Variants in METTL15 observed in about 807,000 individuals in gnomAD.
The protein encoded by METTL15 is 12S rRNA N(4)-cytidine methyltransferase METTL15.
Under a neutral mutation model 38.3 loss-of-function variants are expected in METTL15, and 34 were observed. That is an observed-to-expected ratio of 0.89 (90% CI 0.68 to 1.18). The LOEUF is 1.18. METTL15 is among the 50% of genes most tolerant of loss of function. METTL15 has a pLI of 0.00. For missense variants in METTL15, 438 were observed against 498.4 expected (o/e 0.88, Z 1.15); for synonymous variants, 162 against 170.9 (o/e 0.95, Z 0.41).
At chr11:28,522,969 G>A (rs774584186) in intron 6 of METTL15, among the ~76,000 whole-genome samples, 4 of 152,120 alleles carry the variant, frequency 2.6e-5, no homozygotes, top group South Asian at 2.1e-4. Context: ...AGAACTTTGC[G>A]AGGTTCAGAA....
intron 3 of METTL15, among the ~76,000 whole-genome samples, chr11:28,207,341 G>A (rs1852393555): frequency 6.6e-6 from 1 of 152,024 alleles, no homozygotes; most frequent in Admixed American, 6.6e-5. Context: ...TTTGTCAAAG[G>A]CCTTTTCTGC....
At chr11:28,222,680 C>T (rs554506560) in intron 4 of METTL15, among the ~76,000 whole-genome samples, 12 of 152,234 alleles carry the variant, frequency 7.9e-5, no homozygotes, top group East Asian at 1.9e-4. Flanking sequence ...TGTTCCTATT[C>T]GGCCATCTTG....
intron 3 of METTL15, among the ~76,000 whole-genome samples, chr11:28,128,274 T>C (rs1306660040): frequency 1.3e-5 from 2 of 152,128 alleles, no homozygotes; most frequent in African/African-American, 4.8e-5. Flanking sequence ...CAGTATAATC[T>C]CTAGATTAAT....
intron 6 of METTL15, among the ~76,000 whole-genome samples, chr11:28,466,837 A>G (rs531088700): frequency 6.6e-6 from 1 of 152,304 alleles, no homozygotes; most frequent in South Asian, 2.1e-4. Flanking sequence ...CATGGTTTGT[A>G]TACTGACAAA....
chr11:28,192,019 T>G (rs1315214077), intron 3 of METTL15, among the ~76,000 whole-genome samples: 2 of 151,786 alleles, frequency 1.3e-5, no homozygotes, highest in Non-Finnish European at 3.0e-5. Context: ...CCAGATAATC[T>G]CAAGTTATTT....
intron 6 of METTL15, among the ~76,000 whole-genome samples, chr11:28,458,189 C>G (rs1015491691): frequency 6.6e-6 from 1 of 152,140 alleles, no homozygotes; most frequent in Non-Finnish European, 1.5e-5. Context: ...GTAACTGTTA[C>G]ATTTTTATGG....
At chr11:28,171,083 T>A (rs1247349208) in intron 3 of METTL15, among the ~76,000 whole-genome samples, 1 of 152,220 alleles carries the variant, frequency 6.6e-6, no homozygotes, top group Non-Finnish European at 1.5e-5. Flanking sequence ...ACTATTAGGT[T>A]TCCACTTATG....
intron 3 of METTL15, among the ~76,000 whole-genome samples, chr11:28,141,145 G>A (rs935893059): frequency 2.6e-5 from 4 of 152,120 alleles, no homozygotes; most frequent in African/African-American, 9.7e-5. Context: ...GGAGGCTAGG[G>A]TTTTTAGCGG....
chr11:28,462,795 T>A (rs1263691189), intron 6 of METTL15, among the ~76,000 whole-genome samples: 2 of 152,046 alleles, frequency 1.3e-5, no homozygotes, highest in Non-Finnish European at 2.9e-5. Flanking sequence ...GGTTCCCAAA[T>A]CAAACTTGGT....
chr11:28,176,219 C>G (rs1352903665), intron 3 of METTL15, among the ~76,000 whole-genome samples: 1 of 151,988 alleles, frequency 6.6e-6, no homozygotes, highest in African/African-American at 2.4e-5. Context: ...AAAATTTCTC[C>G]TGTAATCCTG....
chr11:28,161,222 A>G (rs188450037), intron 3 of METTL15, among the ~76,000 whole-genome samples: 62 of 149,366 alleles, frequency 4.2e-4, no homozygotes, highest in South Asian at 8.4e-4. Flanking sequence ...TCCCAGGTTC[A>G]GGTGATTCTC....
intron 6 of METTL15, chr11:28,517,329 T>G (rs966743383): frequency 6.6e-6 from 1 of 152,038 alleles, no homozygotes; most frequent in Non-Finnish European, 1.5e-5. Flanking sequence ...GGTTTTTTAA[T>G]TTATTTATTT....
At chr11:28,249,763 A>G (rs1401329703) in intron 4 of METTL15, among the ~76,000 whole-genome samples, 2 of 151,832 alleles carry the variant, frequency 1.3e-5, no homozygotes, top group Non-Finnish European at 1.5e-5. Flanking sequence ...ATACACATGC[A>G]GGTTTGTTAT....
At chr11:28,334,634 T>TG (rs1054963114), downstream of METTL15, among the ~76,000 whole-genome samples, 1 of 152,140 alleles carries the variant, frequency 6.6e-6, no homozygotes, top group African/African-American at 2.4e-5. Flanking sequence ...CTAAAGAGGC[T>TG]GGGTTGTATA....
intron 6 of METTL15, among the ~76,000 whole-genome samples, chr11:28,310,401 C>A (rs552791198): frequency 6.6e-6 from 1 of 151,784 alleles, no homozygotes; most frequent in South Asian, 2.1e-4. Flanking sequence ...AATATATAAC[C>A]AAACCCAGGC....
intron 3 of METTL15, among the ~76,000 whole-genome samples, chr11:28,142,815 A>G (rs1262625508): frequency 6.6e-6 from 1 of 152,148 alleles, no homozygotes; most frequent in African/African-American, 2.4e-5. Context: ...TTTGTAAAGA[A>G]CATTCAGATT....
intron 3 of METTL15, among the ~76,000 whole-genome samples, chr11:28,169,993 C>G (rs1165951238): frequency 1.3e-5 from 2 of 152,054 alleles, no homozygotes; most frequent in Non-Finnish European, 1.5e-5. Flanking sequence ...TAAGTATGCT[C>G]TGGTGTGGGG....
At chr11:28,243,461 A>G (rs921482475) in intron 4 of METTL15, among the ~76,000 whole-genome samples, 7 of 152,184 alleles carry the variant, frequency 4.6e-5, no homozygotes, top group African/African-American at 1.7e-4. Context: ...AGGCCCTTTT[A>G]TCTTCCTACC....
At position 28,330,992 on chromosome 11, in the gene METTL15, G is replaced by A; in HGVS notation, c.*151G>A. 1 of 578,456 alleles carries A rather than the reference G, an allele frequency of 1.7e-6. No homozygotes were observed. The highest frequency in any genetic ancestry group is 2.9e-5 in the East Asian group (1 of 33,984). 35.8% of individuals were successfully genotyped at this position (578,456 alleles called of 1,614,324 possible). ...ATTTCTTTTTTCTCAAAAAGAAACTGTAGGAAATACATGACAGAGAAAGTT... is the reference window on the plus strand; with the variant it reads ...ATTTCTTTTTTCTCAAAAAGAAACTATAGGAAATACATGACAGAGAAAGTT... On this transcript the variant is annotated 3_prime_UTR_variant, in exon 7 of 7. Coordinates refer to ENST00000407364, the MANE Select transcript of METTL15 (RefSeq NM_001113528.2).
Sources: gnomAD v4.1 joint callset for allele counts (sites outside exome capture counted in the v4.1 genomes callset) on GRCh38, gnomAD v4.1.1 for gene constraint, MANE v1.5 for transcripts, NCBI Gene and HGNC (gene_info 2026-07-23, HGNC 2026-07-21) for gene names.